Variants in ADAM22 observed in about 807,000 individuals in gnomAD.
ADAM22 encodes ADAM metallopeptidase domain 22.
A neutral mutation model predicts 144.6 loss-of-function variants in ADAM22; 65 were observed. The observed-to-expected ratio is 0.45, with a 90% CI of 0.37 to 0.55. ADAM22 has a LOEUF of 0.55. Among genes scored for constraint, ADAM22 ranks in the 20% least tolerant of loss-of-function variants. ADAM22 has a pLI of 0.00. For missense variants in ADAM22, 974 were observed against 1,184.9 expected (o/e 0.82, Z 2.61); for synonymous variants, 391 against 412.6 (o/e 0.95, Z 0.63).
intron 3 of ADAM22, among the ~76,000 whole-genome samples, chr7:87,985,922 A>G (rs192407981): frequency 6.6e-6 from 1 of 152,146 alleles, no homozygotes; most frequent in African/African-American, 2.4e-5. Context: ...AAATGGTGCT[A>G]TAACAGCTGT....
chr7:88,111,184 A>G (rs2129488292), intron 5 of ADAM22, among the ~76,000 whole-genome samples: 1 of 152,140 alleles, frequency 6.6e-6, no homozygotes, highest in African/African-American at 2.4e-5. Context: ...GATAAATATA[A>G]CCTTGTATCA....
At chr7:88,069,239 C>G (rs1051656425) in intron 3 of ADAM22, among the ~76,000 whole-genome samples, 2 of 151,918 alleles carry the variant, frequency 1.3e-5, no homozygotes, top group African/African-American at 4.8e-5. Context: ...CCTTCTCTCT[C>G]CCTCTCTCCT....
intron 14 of ADAM22, among the ~76,000 whole-genome samples, chr7:88,138,321 T>C (rs1422936998): frequency 6.6e-6 from 1 of 152,206 alleles, no homozygotes; most frequent in Non-Finnish European, 1.5e-5. Context: ...ATCCTGATTA[T>C]TAAAATGTTT....
intron 5 of ADAM22, among the ~76,000 whole-genome samples, chr7:88,112,969 G>T (rs115536684): frequency 6.6e-6 from 1 of 151,940 alleles, no homozygotes; most frequent in African/African-American, 2.4e-5. Flanking sequence ...ATTTCCCCCC[G>T]CCTTGGCCTT....
At chr7:87,975,305 C>T (rs1022827655) in intron 2 of ADAM22, among the ~76,000 whole-genome samples, 1 of 152,070 alleles carries the variant, frequency 6.6e-6, no homozygotes, top group Non-Finnish European at 1.5e-5. Context: ...TGTTCATTTT[C>T]TGTCTCCTCT....
intron 5 of ADAM22, among the ~76,000 whole-genome samples, chr7:88,108,749 GA>G (rs1585793769): frequency 6.6e-6 from 1 of 150,442 alleles, no homozygotes; most frequent in East Asian, 2.0e-4. Context: ...AAGAAAGAAA[GA>G]AAGAAAGAAA....
intron 8 of ADAM22, among the ~76,000 whole-genome samples, chr7:88,127,096 G>GTGTA (rs1830602545): frequency 6.7e-6 from 1 of 149,536 alleles, no homozygotes; most frequent in South Asian, 2.1e-4. Context: ...ATATGTGTGT[G>GTGTA]TATATATATA....
rs1429285270 is a variant in ADAM22, at chr7:88,178,992, C to T, written c.2358C>T (p.Ser786=). 1.2e-6 allele frequency: 2 copies of T among 1,613,058 alleles called. No homozygotes were observed. Among genetic ancestry groups the T allele is most frequent in the East Asian group, 2.2e-5 (1 of 44,834 alleles). Residue 786 remains serine, a synonymous_variant, in exon 27 of 32, where the codon AGC becomes AGT. Transcript: ENST00000413139. Reference sequence around the variant, plus strand: ...CTGGAGATGGTGACTCTTTTTATAGCGACATTCCTCCCGGAGTCAGCACAA... The same window carrying T: ...CTGGAGATGGTGACTCTTTTTATAGTGACATTCCTCCCGGAGTCAGCACAA... ...KKPGDGDSFY[S]DIPPGVSTNS...
At chr7:88,100,276 A>G (rs1221053904) in intron 4 of ADAM22, among the ~76,000 whole-genome samples, 1 of 152,164 alleles carries the variant, frequency 6.6e-6, no homozygotes, top group African/African-American at 2.4e-5. Context: ...AATTAAATAC[A>G]TTTAGCTTTA....
intron 3 of ADAM22, among the ~76,000 whole-genome samples, chr7:88,003,358 CA>C (rs1197293217): frequency 6.6e-6 from 1 of 152,150 alleles, no homozygotes. Context: ...ATAACTTGCT[CA>C]GGGTTCTACA....
intron 26 of ADAM22, among the ~76,000 whole-genome samples, chr7:88,175,742 C>T (rs986689480): frequency 1.3e-5 from 2 of 151,506 alleles, no homozygotes; most frequent in African/African-American, 2.4e-5. Context: ...GGAAGAAAGC[C>T]GTAAAGATAA....
intron 2 of ADAM22, among the ~76,000 whole-genome samples, chr7:87,940,041 AATT>A (rs1842155658): frequency 1.3e-5 from 2 of 152,126 alleles, no homozygotes. Flanking sequence ...AGGGTACAAA[AATT>A]AGCCTGGTGT....
chr7:87,953,734 T>C (rs1369806048), intron 2 of ADAM22, among the ~76,000 whole-genome samples: 18 of 152,140 alleles, frequency 1.2e-4, no homozygotes, highest in South Asian at 2.1e-4. Context: ...CTAATGTTGA[T>C]AGTGGGGTGT....
chr7:88,128,535 T>G (rs1830993675), intron 8 of ADAM22, 67 bp from the exon 9 acceptor site: 9 of 1,289,082 alleles, frequency 7.0e-6, no homozygotes, highest in Admixed American at 1.8e-5. Context: ...TTCTTCCATA[T>G]TTTTTAGCTT....
chr7:88,038,781 TC>T, intron 3 of ADAM22, among the ~76,000 whole-genome samples: 1 of 151,472 alleles, frequency 6.6e-6, no homozygotes, highest in South Asian at 2.1e-4. Flanking sequence ...TTCTTCTTCT[TC>T]TTCTTTTTTT....
chr7:88,108,526 C>T (rs1348310971), intron 5 of ADAM22, among the ~76,000 whole-genome samples: 11 of 151,884 alleles, frequency 7.2e-5, no homozygotes, highest in Middle Eastern at 3.4e-3. Context: ...GTCAGGAGTT[C>T]GAGACCAGCC....
intron 3 of ADAM22, among the ~76,000 whole-genome samples, chr7:88,039,437 G>A (rs1585181176): frequency 1.5e-5 from 1 of 68,296 alleles, no homozygotes; most frequent in South Asian, 6.6e-4. Context: ...GCAACAGAGC[G>A]AGATTCTGTC....
intron 4 of ADAM22, among the ~76,000 whole-genome samples, chr7:88,079,078 G>A (rs1337617680): frequency 4.6e-5 from 7 of 152,158 alleles, no homozygotes; most frequent in Non-Finnish European, 1.0e-4. Flanking sequence ...AGGAAAAAAT[G>A]TTAAGGGCAG....
At position 87,982,031 on chromosome 7, in the gene ADAM22, C is replaced by T. The variant is rs148053660; in HGVS notation, c.323+3619C>T. ...TCTGTGTTTGGAGTAGTTTGGAATCCTTATGTTTATTTCATATATATATAT... is the reference window on the plus strand; with the variant it reads ...TCTGTGTTTGGAGTAGTTTGGAATCTTTATGTTTATTTCATATATATATAT... On this transcript the variant is annotated intron_variant, in intron 3 of 31. Transcript: ENST00000413139. Among the ~76,000 whole-genome samples the T allele has an allele frequency of 2.3e-3, 320 of 137,770 alleles. 1 individual carries two copies. Among genetic ancestry groups the T allele is most frequent in the Non-Finnish European group, 3.9e-3 (254 of 64,986 alleles). The allele number at this position is 137,770 out of a possible 152,430, so 90.4% of individuals were successfully genotyped here. A position where few individuals can be genotyped will look rare whatever the true frequency, so the allele number is the denominator to read the frequency against.
Sources: allele counts gnomAD v4.1 joint callset (sites outside exome capture counted in the v4.1 genomes callset), GRCh38; gene constraint gnomAD v4.1.1; transcripts MANE v1.5; gene names NCBI Gene and HGNC (gene_info 2026-07-23, HGNC 2026-07-21).